The following VWF variants were observed in gnomAD, a reference collection of about 807,000 sequenced individuals.
VWF encodes the protein Factor VIII related antigen.
A neutral mutation model predicts 308.6 loss-of-function variants in VWF; 176 were observed. That is an observed-to-expected ratio of 0.57 (90% CI 0.50 to 0.65). The LOEUF (loss-of-function observed/expected upper bound fraction) is 0.65. Ranked by LOEUF, VWF falls within the 30% of genes least tolerant of loss-of-function variation. VWF has a pLI of 0.00. For synonymous variants in VWF, 1,385 were observed against 1,443.4 expected (o/e 0.96, Z 0.92); for missense variants, 3,146 against 3,648.2 (o/e 0.86, Z 3.55).
intron 6 of VWF, among the ~76,000 whole-genome samples, chr12:6,084,760 A>G (rs889286375): frequency 2.0e-5 from 3 of 152,160 alleles, no homozygotes; most frequent in Non-Finnish European, 4.4e-5. Flanking sequence ...GGTGCCCTGC[A>G]GCAGCCCCTG....
At chr12:6,117,368 T>C (rs1324457630) in intron 3 of VWF, among the ~76,000 whole-genome samples, 1 of 152,046 alleles carries the variant, frequency 6.6e-6, no homozygotes, top group Non-Finnish European at 1.5e-5. Flanking sequence ...CCTGTGTGGA[T>C]TATGAGGGGG....
intron 43 of VWF, among the ~76,000 whole-genome samples, chr12:5,973,958 G>A (rs754541979): frequency 1.2e-4 from 19 of 152,280 alleles, no homozygotes; most frequent in Admixed American, 6.5e-4. Context: ...CTGAGAAGCC[G>A]CCAATGCCCC....
chr12:6,004,312 G>GA (rs935366608), intron 34 of VWF, among the ~76,000 whole-genome samples: 4 of 151,498 alleles, frequency 2.6e-5, no homozygotes, highest in Non-Finnish European at 4.4e-5. Flanking sequence ...TATATTTAAA[G>GA]AAAAAAAATC....
intron 10 of VWF, among the ~76,000 whole-genome samples, chr12:6,070,815 G>A (rs1555199493): frequency 6.6e-6 from 1 of 152,214 alleles, no homozygotes; most frequent in Non-Finnish European, 1.5e-5. Flanking sequence ...GACAGGATGG[G>A]AGGAATCATT....
chr12:5,968,091 C>A (rs1266736816), intron 46 of VWF, 36 bp downstream of exon 46: 1 of 1,613,918 alleles, frequency 6.2e-7, no homozygotes, highest in South Asian at 1.1e-5. Flanking sequence ...TTCCCTGTCC[C>A]CACCACTTGC....
chr12:6,016,709 A>G, intron 29 of VWF, 45 bp downstream of exon 29: 1 of 1,614,282 alleles, frequency 6.2e-7, no homozygotes, highest in Non-Finnish European at 8.5e-7. Flanking sequence ...AGCCACAAAA[A>G]GAGCCTCTTC....
At chr12:5,952,227 T>C (rs1943199684) in intron 49 of VWF, 164 bp downstream of exon 49, 3 of 1,021,852 alleles carry the variant, frequency 2.9e-6, no homozygotes, top group Admixed American at 2.0e-5. Context: ...GAGAATTTTA[T>C]CTCTCCGTAG....
chr12:6,122,429 T>C (rs960083193), intron 2 of VWF, among the ~76,000 whole-genome samples: 2 of 152,168 alleles, frequency 1.3e-5, no homozygotes, highest in African/African-American at 4.8e-5. Flanking sequence ...ACTATGGGTG[T>C]GTGTGTGTCG....
At chr12:5,958,108 A>G (rs1387997466) in intron 47 of VWF, among the ~76,000 whole-genome samples, 1 of 152,154 alleles carries the variant, frequency 6.6e-6, no homozygotes, top group Non-Finnish European at 1.5e-5. Context: ...AGTACTAAAA[A>G]AAAGAAAAAA....
intron 36 of VWF, 62 bp from the exon 37 acceptor site, chr12:5,994,265 T>C (rs1185441740): frequency 3.1e-6 from 5 of 1,603,026 alleles, no homozygotes; most frequent in Non-Finnish European, 4.3e-6. Context: ...AAAACATTGA[T>C]GCCAGAGACA....
At chr12:6,004,105 T>C (rs1348668541) in intron 34 of VWF, among the ~76,000 whole-genome samples, 1 of 152,100 alleles carries the variant, frequency 6.6e-6, no homozygotes, top group Non-Finnish European at 1.5e-5. Flanking sequence ...AAGGATAAAT[T>C]TTATGTTATA....
intron 2 of VWF, among the ~76,000 whole-genome samples, chr12:6,121,970 G>T (rs931029283): frequency 2.0e-5 from 3 of 151,898 alleles, no homozygotes; most frequent in Admixed American, 6.6e-5. Flanking sequence ...AAAAGACAAA[G>T]AAGTTAAAAC....
At chr12:6,055,437 G>T (rs1418033799) in intron 15 of VWF, among the ~76,000 whole-genome samples, 1 of 152,112 alleles carries the variant, frequency 6.6e-6, no homozygotes, top group African/African-American at 2.4e-5. Flanking sequence ...GTACCTCACG[G>T]GAAAGTTGCC....
At chr12:5,995,957 G>A (rs1401589451) in intron 35 of VWF, 45 bp downstream of exon 35, 1 of 1,588,652 alleles carries the variant, frequency 6.3e-7, no homozygotes, top group African/African-American at 1.3e-5. Flanking sequence ...TGGTTTTCCT[G>A]ACATTCTATT....
In VWF at chr12:6,052,629, G is replaced by C; in HGVS notation, c.2100C>G (p.Asp700Glu). Residue 700 changes from aspartate to glutamate, a missense_variant, in exon 16 of 52, where the codon GAC becomes GAG. Physicochemically the swap from Asp to Glu is conservative, Grantham distance 45. This residue lies in a region of VWF where 1,304 missense variants were observed against 1,353.0 expected (regional missense o/e 0.96). Transcript: ENST00000261405. The part of the protein sequence containing the change: ...PPGLYMDERG[D>E]CVPKAQCPCY... ...AGGGGCACTGGGCCTTGGGCACGCA[G>C]TCCCCCCTCTCATCCATGTAGAGCC... 6.2e-7 allele frequency: 1 copy of C among 1,614,258 alleles called. No homozygotes were observed. Among genetic ancestry groups the C allele is most frequent in the Non-Finnish European group, 8.5e-7 (1 of 1,180,048 alleles).
At position 6,037,731 on chromosome 12, in the gene VWF, G is replaced by A. The variant is rs972965786; in HGVS notation, c.2443-1240C>T. Among the ~76,000 whole-genome samples, 3 of 152,072 alleles carry A rather than the reference G, an allele frequency of 2.0e-5. No homozygotes were observed. The South Asian group carries it at 6.2e-4, about 31-fold the overall frequency. On this transcript the variant is annotated intron_variant, in intron 18 of 51. Coordinates refer to ENST00000261405, the MANE Select transcript of VWF (RefSeq NM_000552.5). ...ACCTTGGCTCCAGAGCTCCCTGCAG[G>A]GCGAGAAGCTCCTGGTCTGAACAGT...
intron 34 of VWF, among the ~76,000 whole-genome samples, chr12:5,999,912 C>T (rs1359255533): frequency 6.6e-6 from 1 of 151,392 alleles, no homozygotes; most frequent in Non-Finnish European, 1.5e-5. Flanking sequence ...ATTATAAGTA[C>T]CCAAGGAAGA....
intron 42 of VWF, among the ~76,000 whole-genome samples, chr12:5,977,790 A>C (rs59366407): frequency 0.01 from 1,564 of 151,384 alleles, 24 homozygotes; most frequent in African/African-American, 0.036. Context: ...GGATCGTCTG[A>C]GCCTAGGGGG....
chr12:6,055,273 T>C (rs1335384003), intron 15 of VWF, among the ~76,000 whole-genome samples: 2 of 152,218 alleles, frequency 1.3e-5, no homozygotes, highest in African/African-American at 2.4e-5. Context: ...ATACTGATAA[T>C]GCATCATTTC....
Sources: gnomAD v4.1 joint callset for allele counts (sites outside exome capture counted in the v4.1 genomes callset) on GRCh38, gnomAD v4.1.1 for gene constraint, gnomAD v4.1.1 regional missense constraint, MANE v1.5 for transcripts, NCBI Gene and HGNC (gene_info 2026-07-23, HGNC 2026-07-21) for gene names.